LHFPL2: variants seen among roughly 807,000 people sequenced by gnomAD.
The protein encoded by LHFPL2 is LHFPL tetraspan subfamily member 2 protein.
A neutral mutation model predicts 17.5 loss-of-function variants in LHFPL2; 7 were observed. The observed-to-expected ratio is 0.40, with a 90% CI of 0.23 to 0.75. The LOEUF (loss-of-function observed/expected upper bound fraction) is 0.75, where lower values mean the gene tolerates loss of function less well. LHFPL2 is among the 30% of genes least tolerant of loss of function. LHFPL2 has a pLI of 0.37. For missense variants in LHFPL2, 241 were observed against 294.8 expected (o/e 0.82, Z 1.34); for synonymous variants, 134 against 116.2 (o/e 1.15, Z -0.99).
At chr5:78,530,081 C>T (rs72760981) in intron 3 of LHFPL2, among the ~76,000 whole-genome samples, 26 of 152,306 alleles carry the variant, frequency 1.7e-4, no homozygotes, top group Non-Finnish European at 3.4e-4. Flanking sequence ...GCCATAAGAT[C>T]CATCAGGCAC....
At chr5:78,615,099 G>A (rs534797759) in intron 2 of LHFPL2, among the ~76,000 whole-genome samples, 3 of 152,318 alleles carry the variant, frequency 2.0e-5, no homozygotes, top group African/African-American at 7.2e-5. Context: ...AACATTTCAG[G>A]AGTTGATGTC....
intron 2 of LHFPL2, among the ~76,000 whole-genome samples, chr5:78,576,164 G>A (rs540492531): frequency 3.9e-5 from 6 of 152,166 alleles, no homozygotes; most frequent in African/African-American, 1.2e-4. Context: ...GCGTGGTGGT[G>A]GGTGCCTGTA....
intron 3 of LHFPL2, among the ~76,000 whole-genome samples, chr5:78,542,882 A>G (rs1376991347): frequency 1.3e-5 from 2 of 152,208 alleles, no homozygotes; most frequent in African/African-American, 4.8e-5. Flanking sequence ...CAATGGTGAT[A>G]TGGAAGGTAG....
intron 2 of LHFPL2, among the ~76,000 whole-genome samples, chr5:78,629,020 G>C (rs191808071): frequency 5.3e-5 from 8 of 152,274 alleles, no homozygotes. Context: ...ATGATTTATA[G>C]GGAAAAGGGG....
chr5:78,540,575 G>A (rs956090000), intron 3 of LHFPL2, among the ~76,000 whole-genome samples: 1 of 152,222 alleles, frequency 6.6e-6, no homozygotes, highest in African/African-American at 2.4e-5. Context: ...CCCCACACTG[G>A]TGATGGTAGG....
intron 3 of LHFPL2, among the ~76,000 whole-genome samples, chr5:78,529,159 G>A (rs536755903): frequency 1.8e-4 from 27 of 151,966 alleles, no homozygotes; most frequent in Non-Finnish European, 2.8e-4. Flanking sequence ...GGTGGCATGC[G>A]CCTGTAGTCC....
intron 2 of LHFPL2, among the ~76,000 whole-genome samples, chr5:78,613,287 T>C (rs1744479028): frequency 6.6e-6 from 1 of 152,102 alleles, no homozygotes; most frequent in Non-Finnish European, 1.5e-5. Context: ...ATGCACTCAT[T>C]TTTCTTGGTT....
intron 3 of LHFPL2, among the ~76,000 whole-genome samples, chr5:78,550,523 C>G (rs1003737854): frequency 2.0e-5 from 3 of 151,964 alleles, no homozygotes; most frequent in Non-Finnish European, 2.9e-5. Flanking sequence ...ATGCTGAACA[C>G]AAGACTGAAA....
intron 1 of LHFPL2, chr5:78,644,625 C>A (rs527928135): frequency 1.5e-4 from 55 of 362,874 alleles, no homozygotes; most frequent in African/African-American, 1.2e-3. Flanking sequence ...CATAGGTTTT[C>A]ATTTCTCTTT....
intron 2 of LHFPL2, among the ~76,000 whole-genome samples, chr5:78,607,713 A>G (rs534819623): frequency 6.6e-6 from 1 of 152,344 alleles, no homozygotes; most frequent in South Asian, 2.1e-4. Flanking sequence ...GCTTTACCTG[A>G]TAAGACAAGA....
chr5:78,620,345 G>T (rs1319066995), intron 2 of LHFPL2, among the ~76,000 whole-genome samples: 1 of 152,022 alleles, frequency 6.6e-6, no homozygotes, highest in Non-Finnish European at 1.5e-5. Context: ...CCATTTTTTG[G>T]TGGGGTTGTT....
chr5:78,594,276 G>A (rs730782), intron 2 of LHFPL2, among the ~76,000 whole-genome samples: 58,297 of 152,062 alleles, frequency 0.38, 11,707 homozygotes, highest in Middle Eastern at 0.48. Context: ...TTTTTAGGGG[G>A]AGAGGCAGCA....
At chr5:78,608,711 T>G (rs1677212011) in intron 2 of LHFPL2, among the ~76,000 whole-genome samples, 1 of 151,958 alleles carries the variant, frequency 6.6e-6, no homozygotes, top group South Asian at 2.1e-4. Context: ...GGGAGGTGGA[T>G]CATGAGGTCA....
chr5:78,640,609 A>G (rs187974242), intron 1 of LHFPL2, among the ~76,000 whole-genome samples: 7 of 152,350 alleles, frequency 4.6e-5, no homozygotes, highest in African/African-American at 1.7e-4. Context: ...TTTAGTTCTC[A>G]TTTCAAAAAG....
At position 78,532,028 on chromosome 5, in the gene LHFPL2, G is replaced by T. The variant is rs145266685; in HGVS notation, c.-185-21630C>A. ...CAACCTCCACCTCTCAGGTTCAAGT[G>T]ATTCTCCTGCCTCAGCCTCCTGAGT... On this transcript the variant is annotated intron_variant, in intron 3 of 4. Coordinates refer to ENST00000380345, the MANE Select transcript of LHFPL2 (RefSeq NM_005779.3). Among the ~76,000 whole-genome samples, 576 of 151,940 alleles carry T rather than the reference G, an allele frequency of 3.8e-3. 29 individuals carry two copies. In the East Asian group the frequency reaches 0.098, roughly 26 times the overall value.
rs775425949 is a variant in LHFPL2, at chr5:78,614,737, G to A, written c.-245+17527C>T. Among the ~76,000 whole-genome samples, 7 of 152,084 alleles carry A rather than the reference G, an allele frequency of 4.6e-5. No individual in the cohort carries two copies. In the South Asian group the frequency reaches 6.2e-4, roughly 14 times the overall value. On this transcript the variant is annotated intron_variant, in intron 2 of 4. Transcript: ENST00000380345. ...AAAATTTAGAAAAAAAAGTGACTTC[G>A]GACCCTTTCAAATTATATTTTACCA... is the stretch of plus-strand genomic sequence containing the variant.
chr5:78,548,048 C>T (rs776680221), intron 3 of LHFPL2, among the ~76,000 whole-genome samples: 19 of 152,230 alleles, frequency 1.2e-4, no homozygotes, highest in Non-Finnish European at 2.5e-4. Flanking sequence ...ATGATCAGGC[C>T]GAGACGGAGG....
intron 2 of LHFPL2, among the ~76,000 whole-genome samples, chr5:78,583,023 C>T (rs1743207462): frequency 6.6e-6 from 1 of 152,178 alleles, no homozygotes; most frequent in African/African-American, 2.4e-5. Flanking sequence ...TTGAATTTAT[C>T]CCTTTAGCAT....
In LHFPL2 at chr5:78,645,588, ACAC is replaced by A. The variant is rs1411721573; in HGVS notation, c.-350+2908_-350+2910del. ...CACACACACACACACACACACACACACACATTTTTTTTGAGATAGCGTCTTGCT... is the reference window on the plus strand; with the variant it reads ...CACACACACACACACACACACACACAATTTTTTTTGAGATAGCGTCTTGCT... On this transcript the variant is annotated intron_variant, in intron 1 of 4. Transcript: ENST00000380345. Among the ~76,000 whole-genome samples the A allele has an allele frequency of 1.9e-4, 22 of 117,930 alleles. No homozygotes were observed. The South Asian group carries it at 4.4e-3, about 23-fold the overall frequency. 77.4% of individuals were successfully genotyped at this position (117,930 alleles called of 152,430 possible).
Sources: allele counts gnomAD v4.1 joint callset (sites outside exome capture counted in the v4.1 genomes callset), GRCh38; gene constraint gnomAD v4.1.1; transcripts MANE v1.5; gene names NCBI Gene and HGNC (gene_info 2026-07-23, HGNC 2026-07-21).